The following NPAS3 variants were observed in gnomAD, a reference collection of about 807,000 sequenced individuals.
NPAS3 encodes neuronal PAS domain protein 3, also known as neuronal PAS domain-containing protein 3.
A neutral mutation model predicts 73.1 loss-of-function variants in NPAS3; 14 were observed. The ratio of observed to expected loss-of-function variants is 0.19; its 90% CI spans 0.13 to 0.30. The LOEUF (loss-of-function observed/expected upper bound fraction) is 0.30. Ranked by LOEUF, NPAS3 falls within the 10% of genes least tolerant of loss-of-function variation. The pLI, the probability that NPAS3 is intolerant of heterozygous loss-of-function variation, is 1.00. For synonymous variants in NPAS3, 620 were observed against 541.5 expected (o/e 1.14, Z -2.01); for missense variants, 1,096 against 1,250.0 (o/e 0.88, Z 1.86).
chr14:33,458,124 A>G (rs929636683), intron 4 of NPAS3, among the ~76,000 whole-genome samples: 19 of 152,196 alleles, frequency 1.2e-4, no homozygotes, highest in African/African-American at 4.3e-4. Context: ...CGGTTGTCCA[A>G]ATTACTTCAG....
chr14:33,649,018 C>G (rs1415960505), intron 5 of NPAS3, among the ~76,000 whole-genome samples: 1 of 152,168 alleles, frequency 6.6e-6, no homozygotes, highest in African/African-American at 2.4e-5. Flanking sequence ...AAGAACTTAC[C>G]ATTGGGAGGT....
chr14:33,770,171 C>T (rs1429316962), intron 7 of NPAS3, among the ~76,000 whole-genome samples: 2 of 152,176 alleles, frequency 1.3e-5, no homozygotes, highest in African/African-American at 4.8e-5. Flanking sequence ...CTTTTCAAGA[C>T]TTGCTGGTTT....
At chr14:33,409,407 G>A (rs1374252453) in intron 4 of NPAS3, among the ~76,000 whole-genome samples, 2 of 152,032 alleles carry the variant, frequency 1.3e-5, no homozygotes, top group Non-Finnish European at 2.9e-5. Flanking sequence ...AAATATATGT[G>A]TTTTAGGATG....
chr14:33,789,090 C>CAGTT (rs2063268314), intron 9 of NPAS3, among the ~76,000 whole-genome samples: 1 of 152,140 alleles, frequency 6.6e-6, no homozygotes, highest in South Asian at 2.1e-4. Context: ...GCTTCCTTCA[C>CAGTT]AGTTAGAGGT....
chr14:33,605,356 C>T (rs533089154), intron 5 of NPAS3, among the ~76,000 whole-genome samples: 1 of 122,662 alleles, frequency 8.2e-6, no homozygotes, highest in African/African-American at 2.9e-5. Flanking sequence ...CTAGCCAGTG[C>T]AATAAAGCAA....
intron 2 of NPAS3, among the ~76,000 whole-genome samples, chr14:33,155,928 C>T (rs1055309301): frequency 3.9e-5 from 6 of 152,176 alleles, no homozygotes; most frequent in African/African-American, 1.2e-4. Context: ...TGCCCTCTGT[C>T]AATTTATTCA....
At chr14:33,745,418 G>T (rs2061763189) in intron 7 of NPAS3, among the ~76,000 whole-genome samples, 1 of 152,180 alleles carries the variant, frequency 6.6e-6, no homozygotes, top group African/African-American at 2.4e-5. Flanking sequence ...CTGCATTCCT[G>T]GGTCTGTGAC....
chr14:33,187,988 A>T (rs2046040423), intron 2 of NPAS3, among the ~76,000 whole-genome samples: 1 of 152,138 alleles, frequency 6.6e-6, no homozygotes, highest in Non-Finnish European at 1.5e-5. Flanking sequence ...CCATTTTGCA[A>T]ATGCAAAAGC....
intron 4 of NPAS3, among the ~76,000 whole-genome samples, chr14:33,385,526 C>A (rs571454367): frequency 6.6e-6 from 1 of 152,252 alleles, no homozygotes; most frequent in East Asian, 1.9e-4. Flanking sequence ...ACTTCAGTAT[C>A]TAAAACTGAC....
intron 2 of NPAS3, among the ~76,000 whole-genome samples, chr14:33,146,755 A>C (rs1215723285): frequency 6.6e-6 from 1 of 152,196 alleles, no homozygotes; most frequent in African/African-American, 2.4e-5. Context: ...TTACTCTCTG[A>C]ATGTTGGGAT....
intron 3 of NPAS3, among the ~76,000 whole-genome samples, chr14:33,282,704 C>T (rs2041676682): frequency 6.6e-6 from 1 of 152,138 alleles, no homozygotes; most frequent in South Asian, 2.1e-4. Flanking sequence ...AACTAGTCTG[C>T]TCGACTGCTA....
At chr14:33,482,778 A>T (rs2139724566) in intron 4 of NPAS3, among the ~76,000 whole-genome samples, 1 of 151,602 alleles carries the variant, frequency 6.6e-6, no homozygotes, top group Non-Finnish European at 1.5e-5. Flanking sequence ...GTCACTCATG[A>T]TCTCCCTCTG....
chr14:33,449,211 T>C (rs1445321227), intron 4 of NPAS3, among the ~76,000 whole-genome samples: 2 of 152,306 alleles, frequency 1.3e-5, no homozygotes, highest in East Asian at 3.9e-4. Flanking sequence ...ACTGAGTATG[T>C]TGAGTCCTAC....
intron 7 of NPAS3, among the ~76,000 whole-genome samples, chr14:33,737,251 C>T (rs2061545686): frequency 1.3e-5 from 2 of 152,028 alleles, no homozygotes; most frequent in Non-Finnish European, 2.9e-5. Flanking sequence ...GCTGAGGAGG[C>T]GGGATGTCAC....
chr14:32,974,684 T>A (rs192109849), intron 1 of NPAS3, among the ~76,000 whole-genome samples: 1 of 152,280 alleles, frequency 6.6e-6, no homozygotes, highest in East Asian at 1.9e-4. Context: ...CTCTATCATG[T>A]CTGCTCTCAA....
chr14:33,151,083 C>G (rs1436166653), intron 2 of NPAS3, among the ~76,000 whole-genome samples: 1 of 152,234 alleles, frequency 6.6e-6, no homozygotes, highest in Non-Finnish European at 1.5e-5. Flanking sequence ...CACCGTGAAT[C>G]TCTCTGGGAG....
At chr14:33,277,132 A>G (rs997051403) in intron 3 of NPAS3, among the ~76,000 whole-genome samples, 6 of 152,146 alleles carry the variant, frequency 3.9e-5, no homozygotes, top group African/African-American at 9.7e-5. Flanking sequence ...TTTTTCTCTT[A>G]CAAAGAAAAT....
intron 1 of NPAS3, among the ~76,000 whole-genome samples, chr14:33,020,781 A>G (rs1444312253): frequency 6.7e-6 from 1 of 149,722 alleles, no homozygotes; most frequent in Non-Finnish European, 1.5e-5. Flanking sequence ...TTTTTTTGAG[A>G]TGGAATTTTG....
chr14:33,154,519 C>T (rs78241731), intron 2 of NPAS3, among the ~76,000 whole-genome samples: 4,578 of 152,276 alleles, frequency 0.03, 105 homozygotes, highest in African/African-American at 0.062. Context: ...CTTCTTTTTA[C>T]GACTCAGAGG....
Sources: allele counts gnomAD v4.1 joint callset (sites outside exome capture counted in the v4.1 genomes callset), GRCh38; gene constraint gnomAD v4.1.1; transcripts MANE v1.5; gene names NCBI Gene and HGNC (gene_info 2026-07-23, HGNC 2026-07-21).